APOB: variants seen among roughly 807,000 people sequenced by gnomAD.
APOB encodes the protein apolipoprotein B, also known as apolipoprotein B-100.
APOB carries 153 observed loss-of-function variants against 314.1 expected under a neutral mutation model. That is an observed-to-expected ratio of 0.49 (90% CI 0.43 to 0.56). APOB has a LOEUF of 0.56. APOB is among the 20% of genes least tolerant of loss of function. APOB has a pLI of 0.00. For missense variants in APOB, 5,430 were observed against 5,350.7 expected (o/e 1.01, Z -0.46); for synonymous variants, 2,087 against 2,036.4 (o/e 1.02, Z -0.67).
Position 21,023,030 on chromosome 2 carries a change from G to A in APOB, c.2617C>T (p.Leu873=). Residue 873 remains leucine (L), a synonymous_variant, in exon 18 of 29, where the codon CTG becomes TTG. Transcript: ENST00000233242. ...KLEVANMQAE[L]VAKPSVSVEF... is the part of the protein sequence containing the mutation. ...ACAGACACGGAGGGTTTTGCCACCAGTTCAGCCTGCATCTATAAGTCAGAA... is the reference window on the plus strand; with the variant it reads ...ACAGACACGGAGGGTTTTGCCACCAATTCAGCCTGCATCTATAAGTCAGAA... The A allele has an allele frequency of 6.2e-7, 1 of 1,614,090 alleles. No individual in the cohort carries two copies. The highest frequency in any genetic ancestry group is 8.5e-7 in the Non-Finnish European group (1 of 1,180,006).
At chr2:21,023,720 A>G (rs745318830) in intron 16 of APOB, 28 bp from the exon 17 acceptor site, 1 of 1,568,310 alleles carries the variant, frequency 6.4e-7, no homozygotes, top group East Asian at 2.3e-5. Context: ...GAGAGCAAAT[A>G]AAAGTAAGTC....
At position 21,002,533 on chromosome 2, in the gene APOB, G is replaced by A. The variant is rs761260344; in HGVS notation, c.12889C>T (p.Arg4297Cys). 1.3e-5 allele frequency: 21 copies of A among 1,613,528 alleles called. No individual in the cohort carries two copies. The highest frequency in any genetic ancestry group is 4.5e-5 in the East Asian group (2 of 44,868). Residue 4297 changes from arginine to cysteine, a missense_variant, in exon 29 of 29, where the codon CGT becomes TGT. Around this residue, in one of 3 missense-constraint regions of APOB, gnomAD observed 3,281 missense variants for 3,171.0 expected, o/e 1.03. Coordinates refer to ENST00000233242, the MANE Select transcript of APOB (RefSeq NM_000384.3). ...IQSLKTTEVL[R>C]NLQDLLQFIF... The stretch of plus-strand genomic sequence containing the variant: ...AATTGTAAAAGGTCCTGAAGATTAC[G>A]TAGCACCTCTGTGGTCTTGAGAGAC...
Position 21,002,995 on chromosome 2 carries a change from C to T in APOB, c.12427G>A (p.Glu4143Lys), listed in dbSNP as rs779090570. ...AASGTTGTYQ[E>K]WKDKAQNLYQ... ...AGATTCTGGGCCTTGTCCTTCCACT[C>T]TTGGTAGGTCCCAGTGGTGCCACTG... Residue 4143 changes from glutamate (E) to lysine (K), a missense_variant, in exon 29 of 29, where the codon GAG (glutamate) becomes AAG (lysine). This residue lies in a region of APOB where 3,281 missense variants were observed against 3,171.0 expected (regional missense o/e 1.03). Coordinates refer to ENST00000233242, the MANE Select transcript of APOB (RefSeq NM_000384.3). The T allele has an allele frequency of 6.3e-7, 1 of 1,585,158 alleles. No homozygotes were observed. Among genetic ancestry groups the T allele is most frequent in the Non-Finnish European group, 8.6e-7 (1 of 1,164,168 alleles).
At position 21,014,498 on chromosome 2, in the gene APOB, C is replaced by T; in HGVS notation, c.3792G>A (p.Gln1264=). Residue 1264 remains glutamine, a synonymous_variant, in exon 24 of 29, where the codon CAG becomes CAA. Transcript: ENST00000233242. ...HLNSLKEFNL[Q]NMGLPDFHIP... ...TGTGGAAGTCTGGCAATCCCATGTT[C>T]TGGAGGTTGAACTCCTTCAGGCTAT... 2 of 1,614,142 alleles carry T rather than the reference C, an allele frequency of 1.2e-6. No individual in the cohort carries two copies. Among genetic ancestry groups the T allele is most frequent in the Non-Finnish European group, 1.7e-6 (2 of 1,180,008 alleles).
In APOB at chr2:21,007,240, T is replaced by A; in HGVS notation, c.9628A>T (p.Lys3210Ter). 1 of 1,613,454 alleles carries A rather than the reference T, an allele frequency of 6.2e-7. No individual in the cohort carries two copies. The highest frequency in any genetic ancestry group is 2.2e-5 in the East Asian group (1 of 44,874). ...SIKSFDRHFE[K>*]NRNNALDFVT... The stretch of plus-strand genomic sequence containing the variant: ...AAATCTAATGCATTGTTTCTGTTTT[T>A]TTCAAAATGCCTGTCAAAGGATTTG... The change falls in exon 26 of 29, where the codon AAA becomes TAA. Residue 3210 changes from lysine to a stop codon, truncating the protein, a stop_gained. Coordinates refer to ENST00000233242, the MANE Select transcript of APOB (RefSeq NM_000384.3). LOFTEE classifies it high-confidence loss of function.
rs112740482 is a variant in APOB, at chr2:21,008,201, G to A, written c.8667C>T (p.Tyr2889=). The A allele has an allele frequency of 7.4e-6, 12 of 1,614,068 alleles. No individual in the cohort carries two copies. The highest frequency in any genetic ancestry group is 1.7e-4 in the Middle Eastern group (1 of 6,058). ...GTTTGGGGATGTTCAATTTGTGGAA[G>A]TATTTAGTGTTGCTATCCAGGGTAA... ...NQLTLDSNTK[Y]FHKLNIPKLD... The change falls in exon 26 of 29, where the codon TAC becomes TAT. Residue 2889 remains tyrosine (Y), a synonymous_variant. Transcript: ENST00000233242.
chr2:21,043,596 C>T (rs1383709909), intron 1 of APOB, 45 bp from the exon 2 acceptor site: 2 of 1,576,476 alleles, frequency 1.3e-6, no homozygotes, highest in Admixed American at 3.7e-5. Flanking sequence ...CACGTCTTCC[C>T]AGCGGGTGCT....
Position 21,043,864 on chromosome 2 carries a change from C to A in APOB, c.82G>T (p.Glu28Ter), listed in dbSNP as rs1264357217. ...GCCCGCAGAGCGGCCGCGCACTCAC[C>A]GGCCCTGGCGCCCGCCAGCAGCAGC... ...LLLLLAGARA[E>*]EEMLENVSLV... The change falls in exon 1 of 29, where the codon GAA becomes TAA. Residue 28 changes from glutamate (E) to a stop codon, truncating the protein, a stop_gained and splice_region_variant. Coordinates refer to ENST00000233242, the MANE Select transcript of APOB (RefSeq NM_000384.3). LOFTEE classifies it high-confidence loss of function. The A allele has an allele frequency of 6.7e-7, 1 of 1,500,752 alleles. No individual in the cohort carries two copies. Among genetic ancestry groups the A allele is most frequent in the Non-Finnish European group, 8.8e-7 (1 of 1,131,376 alleles). The allele number at this position is 1,500,752 out of a possible 1,614,324, so 93.0% of individuals were successfully genotyped here. A position where few individuals can be genotyped will look rare whatever the true frequency, so the allele number is the denominator to read the frequency against.
At position 21,038,081 on chromosome 2, in the gene APOB, C is replaced by T. The variant is rs1350971514; in HGVS notation, c.414G>A (p.Gly138=). The change falls in exon 5 of 29, where the codon GGG becomes GGA. Residue 138 remains glycine, a synonymous_variant. Transcript: ENST00000233242. ...TCTCCGGGTAAAGGAAAACCTGCTTCCCTTCTGGAATGGCCAGCTTGAGCT... is the reference window on the plus strand; with the variant it reads ...TCTCCGGGTAAAGGAAAACCTGCTTTCCTTCTGGAATGGCCAGCTTGAGCT... ...RYELKLAIPE[G]KQVFLYPEKD... 1.9e-6 allele frequency: 3 copies of T among 1,614,146 alleles called. No individual in the cohort carries two copies. Among genetic ancestry groups the T allele is most frequent in the South Asian group, 1.1e-5 (1 of 91,074 alleles).
rs1558559079 is a variant in APOB, at chr2:21,002,757, C to CTT, written c.12663_12664dup (p.Arg4222LysfsTer4). 1 of 1,609,356 alleles carries CTT rather than the reference C, an allele frequency of 6.2e-7. No homozygotes were observed. Among genetic ancestry groups the CTT allele is most frequent in the Non-Finnish European group, 8.5e-7 (1 of 1,177,116 alleles). On this transcript the variant is annotated frameshift_variant, in exon 29 of 29. Transcript: ENST00000233242. LOFTEE classifies it low-confidence loss of function (END_TRUNC). ...CTGGGACAGTACCGTCCCTACCTCCCTTATGAACATAGTGCAAAGTTCCTC... is the reference window on the plus strand; with the variant it reads ...CTGGGACAGTACCGTCCCTACCTCCCTTTTATGAACATAGTGCAAAGTTCCTC...
chr2:21,033,369 C>A lies in APOB; in HGVS notation c.1054G>T (p.Val352Phe), dbSNP rs1572799173. ...IQRANLFNKLVTELRGLSDEA... is the reference protein window; with the variant it reads ...IQRANLFNKLFTELRGLSDEA... ...TCACTGAGGCCTCTCAGCTCAGTAA[C>A]CAGCTTATTGAAGAGATTAGCTCTC... The change falls in exon 9 of 29, where the codon GTT becomes TTT. Residue 352 changes from valine (V) to phenylalanine (F), a missense_variant. Around this residue, in one of 3 missense-constraint regions of APOB, gnomAD observed 2,085 missense variants for 2,079.7 expected, o/e 1.00. Transcript: ENST00000233242. The A allele has an allele frequency of 6.2e-7, 1 of 1,614,160 alleles. No homozygotes were observed. Among genetic ancestry groups the A allele is most frequent in the Non-Finnish European group, 8.5e-7 (1 of 1,180,028 alleles).
intron 14 of APOB, among the ~76,000 whole-genome samples, chr2:21,027,517 G>A (rs1165977159): frequency 6.6e-6 from 1 of 152,066 alleles, no homozygotes; most frequent in Non-Finnish European, 1.5e-5. Flanking sequence ...CTTTCACCGT[G>A]TTAGCCAGGA....
chr2:21,020,012 T>G, intron 18 of APOB, 107 bp from the exon 19 acceptor site: 1 of 935,234 alleles, frequency 1.1e-6, no homozygotes, highest in East Asian at 2.4e-5. Flanking sequence ...CTTCCCTCAG[T>G]CCACACCTAT....
At chr2:21,020,883 T>C (rs1663590121) in intron 18 of APOB, among the ~76,000 whole-genome samples, 1 of 152,232 alleles carries the variant, frequency 6.6e-6, no homozygotes, top group Non-Finnish European at 1.5e-5. Flanking sequence ...GTTCTCCTTC[T>C]GCTTCTCTGG....
intron 1 of APOB, 91 bp downstream of exon 1, chr2:21,043,773 C>A: frequency 1.3e-6 from 2 of 1,515,188 alleles, no homozygotes; most frequent in Admixed American, 2.0e-5. Flanking sequence ...GGCTGCCCTC[C>A]CTCTGGCCTA....
rs1461791934 is a variant in APOB at position 21,012,404 on chromosome 2, C to A, written c.4464G>T (p.Gly1488=). ...HLFVKEVKID[G]QFRVSSFYAK... ...CATAGAACGAAGAGACTCTGAACTG[C>A]CCATCAATCTTGACTTCTTTGACAA... The change falls in exon 26 of 29, where the codon GGG becomes GGT. Residue 1488 remains glycine, a synonymous_variant. Transcript: ENST00000233242. 18 of 1,614,160 alleles carry A rather than the reference C, an allele frequency of 1.1e-5. No homozygotes were observed. Among genetic ancestry groups the A allele is most frequent in the Non-Finnish European group, 1.5e-5 (18 of 1,180,028 alleles).
At chr2:21,020,387 C>T (rs1434152283) in intron 18 of APOB, among the ~76,000 whole-genome samples, 2 of 152,224 alleles carry the variant, frequency 1.3e-5, no homozygotes, top group Admixed American at 1.3e-4. Context: ...GCTTTCTCAT[C>T]TTCCTCACCA....
In APOB at chr2:21,008,615, T is replaced by G. The variant is rs371755993; in HGVS notation, c.8253A>C (p.Glu2751Asp). The part of the protein sequence containing the change: ...FQLPHISHTI[E>D]VPTFGKLYSI... ...TGTATAGCTTGCCAAAAGTAGGTAC[T>G]TCAATTGTGTGTGAGATGTGGGGAA... Residue 2751 changes from glutamate (E) to aspartate (D), a missense_variant, in exon 26 of 29, where the codon GAA becomes GAC. Around this residue, in one of 3 missense-constraint regions of APOB, gnomAD observed 3,281 missense variants for 3,171.0 expected, o/e 1.03. Coordinates refer to ENST00000233242, the MANE Select transcript of APOB (RefSeq NM_000384.3). 2 of 1,614,110 alleles carry G rather than the reference T, an allele frequency of 1.2e-6. No homozygotes were observed. Among genetic ancestry groups the G allele is most frequent in the Non-Finnish European group, 1.7e-6 (2 of 1,179,978 alleles).
Position 21,007,156 on chromosome 2 carries a change from A to T in APOB, c.9712T>A (p.Ser3238Thr), listed in dbSNP as rs1365893346. 6.2e-7 allele frequency: 1 copy of T among 1,613,754 alleles called. No homozygotes were observed. The highest frequency in any genetic ancestry group is 8.5e-7 in the Non-Finnish European group (1 of 1,179,914). Residue 3238 changes from serine (S) to threonine (T), a missense_variant, in exon 26 of 29, where the codon TCT becomes ACT. Physicochemically the swap from Ser to Thr is moderately conservative, Grantham distance 58. Transcript: ENST00000233242. ...IKFDKYKAEK[S>T]HDELPRTFQI... ...AAGGTCCTGGGGAGCTCGTCGTGAG[A>T]TTTTTCAGCTTTGTACTTATCAAAC...
Sources: allele counts gnomAD v4.1 joint callset (sites outside exome capture counted in the v4.1 genomes callset), GRCh38; gene constraint gnomAD v4.1.1; regional missense constraint gnomAD v4.1.1; transcripts MANE v1.5; gene names NCBI Gene and HGNC (gene_info 2026-07-23, HGNC 2026-07-21).